STX18: variants seen among roughly 807,000 people sequenced by gnomAD.
STX18 encodes syntaxin 18.
A neutral mutation model predicts 50.1 loss-of-function variants in STX18; 40 were observed. The observed-to-expected ratio is 0.80, with a 90% CI of 0.62 to 1.04. STX18 has a LOEUF of 1.04. STX18 is among the 50% of genes least tolerant of loss of function. The pLI, the probability that STX18 is intolerant of heterozygous loss-of-function variation, is 0.00. For missense variants in STX18, 410 were observed against 415.8 expected (o/e 0.99, Z 0.12); for synonymous variants, 158 against 151.8 (o/e 1.04, Z -0.30).
chr4:4,518,282 C>T (rs1277044806), intron 1 of STX18, among the ~76,000 whole-genome samples: 8 of 152,122 alleles, frequency 5.3e-5, no homozygotes, highest in Admixed American at 5.2e-4. Flanking sequence ...GCACAGAGAA[C>T]CATGTAAATG....
chr4:4,533,379 TCAA>T (rs1169433434), intron 1 of STX18, among the ~76,000 whole-genome samples: 1 of 152,186 alleles, frequency 6.6e-6, no homozygotes, highest in Non-Finnish European at 1.5e-5. Context: ...TTACATGAAT[TCAA>T]CAACCACATT....
At chr4:4,451,506 G>A (rs1221848986) in intron 5 of STX18, among the ~76,000 whole-genome samples, 1 of 152,196 alleles carries the variant, frequency 6.6e-6, no homozygotes, top group Admixed American at 6.5e-5. Context: ...ACACTGCATG[G>A]AGTAAATCTA....
intron 5 of STX18, among the ~76,000 whole-genome samples, chr4:4,455,574 C>T (rs557730017): frequency 8.9e-4 from 136 of 152,332 alleles, no homozygotes; most frequent in African/African-American, 3.2e-3. Flanking sequence ...AACAGCTCGC[C>T]GTGCCTGAAC....
Position 4,439,206 on chromosome 4 carries a change from ACATG to A in STX18, c.498-701_498-698del, listed in dbSNP as rs201378475. Among the ~76,000 whole-genome samples, 289 of 136,764 alleles carry A rather than the reference ACATG, an allele frequency of 2.1e-3. 5 individuals are homozygous for A. Among genetic ancestry groups the A allele is most frequent in the East Asian group, 0.011 (48 of 4,510 alleles). 89.7% of individuals were successfully genotyped at this position (136,764 alleles called of 152,430 possible). A position where few individuals can be genotyped will look rare whatever the true frequency, so the allele number is the denominator to read the frequency against. ...ACACACATACCCCATATATATACAT[ACATG>A]CATGTATATCCCCCACATATACACA... On this transcript the variant is annotated intron_variant, in intron 5 of 10. Coordinates refer to ENST00000306200, the MANE Select transcript of STX18 (RefSeq NM_016930.4).
intron 6 of STX18, among the ~76,000 whole-genome samples, chr4:4,436,884 T>G (rs192581081): frequency 1.3e-5 from 2 of 152,012 alleles, no homozygotes; most frequent in East Asian, 3.9e-4. Context: ...GAGCATTTGC[T>G]CATGCTGCTG....
intron 1 of STX18, among the ~76,000 whole-genome samples, chr4:4,491,475 T>A (rs1191770588): frequency 1.3e-5 from 2 of 152,112 alleles, no homozygotes; most frequent in Non-Finnish European, 2.9e-5. Flanking sequence ...CCTTGAAGTG[T>A]CTCTACTATA....
At chr4:4,428,527 C>T (rs1027174255) in intron 7 of STX18, among the ~76,000 whole-genome samples, 3 of 152,074 alleles carry the variant, frequency 2.0e-5, no homozygotes, top group Admixed American at 6.5e-5. Flanking sequence ...AGTAAGCTCT[C>T]GGTGAAGGCT....
chr4:4,449,518 T>C (rs1726633981), intron 5 of STX18, among the ~76,000 whole-genome samples: 1 of 152,224 alleles, frequency 6.6e-6, no homozygotes, highest in Non-Finnish European at 1.5e-5. Context: ...GTGTCACTTA[T>C]TCTGTAAGAG....
chr4:4,522,375 T>C (rs975886765), intron 1 of STX18, among the ~76,000 whole-genome samples: 6 of 152,222 alleles, frequency 3.9e-5, no homozygotes, highest in African/African-American at 1.2e-4. Context: ...CCCTCTCCTT[T>C]AAATCAGATT....
intron 1 of STX18, among the ~76,000 whole-genome samples, chr4:4,502,098 TCATTTGATGTACACA>T: frequency 2.0e-5 from 3 of 152,322 alleles, no homozygotes; most frequent in African/African-American, 7.2e-5. Flanking sequence ...TAGAACATAC[TCATTTGATGTACACA>T]CAAAGACCTC....
chr4:4,517,987 C>T (rs185253666), intron 1 of STX18, among the ~76,000 whole-genome samples: 1 of 152,100 alleles, frequency 6.6e-6, no homozygotes, highest in African/African-American at 2.4e-5. Context: ...GTTGGCCAGG[C>T]TGGTCTCAAA....
chr4:4,509,481 C>T (rs148048554), intron 1 of STX18, among the ~76,000 whole-genome samples: 7 of 151,862 alleles, frequency 4.6e-5, no homozygotes, highest in East Asian at 3.9e-4. Flanking sequence ...GGATAGATTA[C>T]GAAAATTTTC....
intron 5 of STX18, among the ~76,000 whole-genome samples, chr4:4,442,595 C>T (rs74667977): frequency 0.011 from 1,624 of 151,920 alleles, 23 homozygotes; most frequent in African/African-American, 0.037. Context: ...CCAGCCTGGG[C>T]GAAAGAACGA....
intron 5 of STX18, among the ~76,000 whole-genome samples, chr4:4,439,836 C>T (rs1189995854): frequency 1.3e-5 from 2 of 152,110 alleles, no homozygotes; most frequent in Non-Finnish European, 2.9e-5. Flanking sequence ...CAGGGCTCAG[C>T]TCAATTTCAC....
At chr4:4,533,660 A>G (rs1027836258) in intron 1 of STX18, among the ~76,000 whole-genome samples, 15 of 152,256 alleles carry the variant, frequency 9.9e-5, no homozygotes, top group African/African-American at 3.6e-4. Flanking sequence ...TCTAGCCTCA[A>G]TATGTAGAAA....
chr4:4,476,439 T>C (rs1321516520), intron 1 of STX18, among the ~76,000 whole-genome samples: 1 of 152,250 alleles, frequency 6.6e-6, no homozygotes, highest in Non-Finnish European at 1.5e-5. Context: ...CAAGACTGAC[T>C]GAGCTGGAAC....
chr4:4,500,559 G>C (rs1411416656), intron 1 of STX18, among the ~76,000 whole-genome samples: 2 of 152,098 alleles, frequency 1.3e-5, no homozygotes, highest in East Asian at 3.8e-4. Flanking sequence ...GTATCCAGAG[G>C]GAGTCCTGAA....
At chr4:4,533,000 A>T (rs1731171249) in intron 1 of STX18, among the ~76,000 whole-genome samples, 2 of 152,098 alleles carry the variant, frequency 1.3e-5, no homozygotes, top group Admixed American at 6.5e-5. Context: ...ACAAACAGAC[A>T]TATGTTAGAT....
At chr4:4,525,415 G>T (rs1438098624) in intron 1 of STX18, among the ~76,000 whole-genome samples, 1 of 152,178 alleles carries the variant, frequency 6.6e-6, no homozygotes, top group East Asian at 1.9e-4. Context: ...GATTTTTATG[G>T]CTTTTAAAAG....
Sources: gnomAD v4.1 joint callset for allele counts (sites outside exome capture counted in the v4.1 genomes callset) on GRCh38, gnomAD v4.1.1 for gene constraint, MANE v1.5 for transcripts, NCBI Gene and HGNC (gene_info 2026-07-23, HGNC 2026-07-21) for gene names.